The following UNC5D variants were observed in gnomAD, a reference collection of about 807,000 sequenced individuals.
UNC5D encodes unc-5 netrin receptor D, also known as netrin receptor UNC5D.
In UNC5D, 39 loss-of-function variants were observed where a neutral mutation model predicts 105.4. That is an observed-to-expected ratio of 0.37 (90% CI 0.29 to 0.48). The LOEUF (loss-of-function observed/expected upper bound fraction) is 0.48. UNC5D is among the 20% of genes least tolerant of loss of function. The pLI is 0.98. For synonymous variants in UNC5D, 452 were observed against 450.4 expected, an observed-to-expected ratio of 1.00 and a Z score of -0.04; for missense variants, 991 against 1,202.4, an observed-to-expected ratio of 0.82 and a Z score of 2.60.
chr8:35,428,476 G>GC (rs1442162769), intron 1 of UNC5D, among the ~76,000 whole-genome samples: 3 of 149,668 alleles, frequency 2.0e-5, no homozygotes, highest in African/African-American at 7.4e-5. Context: ...GTGAGCCACT[G>GC]CCCCCCGGCC....
chr8:35,547,285 C>CTTTTTTTT (rs11363785), intron 1 of UNC5D, among the ~76,000 whole-genome samples: 1 of 128,030 alleles, frequency 7.8e-6, no homozygotes, highest in African/African-American at 3.0e-5. Flanking sequence ...GAACATTACT[C>CTTTTTTTT]TTTTTTTTTT....
intron 4 of UNC5D, among the ~76,000 whole-genome samples, chr8:35,645,121 TACA>T (rs1412098355): frequency 6.6e-6 from 1 of 152,144 alleles, no homozygotes; most frequent in Non-Finnish European, 1.5e-5. Flanking sequence ...ACACGCAGAT[TACA>T]ACATGTCCAT....
intron 1 of UNC5D, among the ~76,000 whole-genome samples, chr8:35,266,476 A>C (rs1804879937): frequency 6.6e-6 from 1 of 152,238 alleles, no homozygotes; most frequent in Non-Finnish European, 1.5e-5. Context: ...AGATGTTCCA[A>C]CATCTCAGAG....
At chr8:35,264,349 T>C (rs1804688959) in intron 1 of UNC5D, among the ~76,000 whole-genome samples, 1 of 152,236 alleles carries the variant, frequency 6.6e-6, no homozygotes, top group South Asian at 2.1e-4. Context: ...ATGTGAAATG[T>C]TTCAAGTATA....
chr8:35,506,259 C>T (rs1378645232), intron 1 of UNC5D, among the ~76,000 whole-genome samples: 5 of 152,192 alleles, frequency 3.3e-5, no homozygotes, highest in Non-Finnish European at 5.9e-5. Flanking sequence ...CACATTCAGA[C>T]ACAACAGTGT....
At chr8:35,341,409 C>T (rs1435550581) in intron 1 of UNC5D, among the ~76,000 whole-genome samples, 4 of 151,274 alleles carry the variant, frequency 2.6e-5, no homozygotes, top group East Asian at 1.9e-4. Context: ...TCAGAAAAGC[C>T]GAAACCAGAA....
At chr8:35,651,980 C>T (rs1164949359) in intron 4 of UNC5D, among the ~76,000 whole-genome samples, 1 of 152,086 alleles carries the variant, frequency 6.6e-6, no homozygotes, top group Non-Finnish European at 1.5e-5. Context: ...TGCACCCATC[C>T]TGGTGCCAAT....
At chr8:35,737,300 GTT>G (rs1563721032) in intron 11 of UNC5D, among the ~76,000 whole-genome samples, 3 of 130,058 alleles carry the variant, frequency 2.3e-5, no homozygotes, top group South Asian at 2.3e-4. Context: ...GTGTGTGTGT[GTT>G]AATGTGTGAT....
chr8:35,723,721 G>A (rs1828712492), intron 9 of UNC5D, among the ~76,000 whole-genome samples: 1 of 152,030 alleles, frequency 6.6e-6, no homozygotes, highest in Non-Finnish European at 1.5e-5. Context: ...TGATTTTTAT[G>A]CTACCTAAAA....
intron 4 of UNC5D, among the ~76,000 whole-genome samples, chr8:35,605,943 A>G (rs778534031): frequency 6.6e-6 from 1 of 151,948 alleles, no homozygotes; most frequent in Non-Finnish European, 1.5e-5. Context: ...AGTACTACAT[A>G]AAGTTCTCCT....
At chr8:35,754,644 C>A (rs1830433119) in intron 13 of UNC5D, among the ~76,000 whole-genome samples, 1 of 152,070 alleles carries the variant, frequency 6.6e-6, no homozygotes, top group Admixed American at 6.5e-5. Context: ...AATGGGCCCA[C>A]CATAGAATAT....
rs1450859857 is a variant in UNC5D, at chr8:35,335,740, GAAATGAGAGATTGCAA to G, written c.103+99854_103+99869del. Among the ~76,000 whole-genome samples, 78 of 144,088 alleles carry G rather than the reference GAAATGAGAGATTGCAA, an allele frequency of 5.4e-4. 1 individual carries two copies. Among genetic ancestry groups the G allele is most frequent in the African/African-American group, 1.8e-3 (72 of 39,162 alleles). 94.5% of individuals were successfully genotyped at this position (144,088 alleles called of 152,430 possible). On this transcript the variant is annotated intron_variant, in intron 1 of 16. Transcript: ENST00000404895. ...CAGACAACCTTTGAAAGGATAGAAT[GAAATGAGAGATTGCAA>G]TTTTTTTTTTTTTTTTTTTTTTTTT...
At chr8:35,596,102 C>G (rs1049995057) in intron 4 of UNC5D, among the ~76,000 whole-genome samples, 3 of 152,182 alleles carry the variant, frequency 2.0e-5, no homozygotes, top group Non-Finnish European at 4.4e-5. Flanking sequence ...TTTTGTGGAA[C>G]AAGCATTCAT....
intron 1 of UNC5D, among the ~76,000 whole-genome samples, chr8:35,515,251 C>G (rs1813032108): frequency 6.6e-6 from 1 of 152,132 alleles, no homozygotes; most frequent in African/African-American, 2.4e-5. Context: ...TAAATGGAAC[C>G]AAAAACAGCA....
intron 1 of UNC5D, among the ~76,000 whole-genome samples, chr8:35,259,104 T>C (rs1418519917): frequency 6.6e-6 from 1 of 152,174 alleles, no homozygotes; most frequent in Non-Finnish European, 1.5e-5. Context: ...AGTTAAGTGT[T>C]GGTTTGTTCT....
intron 4 of UNC5D, among the ~76,000 whole-genome samples, chr8:35,650,104 G>A (rs1254703001): frequency 1.3e-5 from 2 of 152,018 alleles, no homozygotes; most frequent in East Asian, 3.9e-4. Flanking sequence ...ATAAAAATGT[G>A]TATTGAAACT....
At chr8:35,567,338 T>C (rs1817421600) in intron 2 of UNC5D, among the ~76,000 whole-genome samples, 1 of 152,176 alleles carries the variant, frequency 6.6e-6, no homozygotes, top group Admixed American at 6.5e-5. Context: ...ATTTGATCAG[T>C]ACATATTGTA....
chr8:35,677,341 G>C (rs1825311076), intron 4 of UNC5D, among the ~76,000 whole-genome samples: 1 of 152,170 alleles, frequency 6.6e-6, no homozygotes, highest in African/African-American at 2.4e-5. Context: ...TGGAAACGCA[G>C]AACAGTCCCT....
intron 9 of UNC5D, 42 bp from the exon 10 acceptor site, chr8:35,726,110 G>A: frequency 1.3e-6 from 2 of 1,574,388 alleles, no homozygotes; most frequent in Non-Finnish European, 1.7e-6. Context: ...TAACTGAGAT[G>A]CCTTTTAGTT....
Sources: gnomAD v4.1 joint callset for allele counts (sites outside exome capture counted in the v4.1 genomes callset) on GRCh38, gnomAD v4.1.1 for gene constraint, MANE v1.5 for transcripts, NCBI Gene and HGNC (gene_info 2026-07-23, HGNC 2026-07-21) for gene names.